SCFD2: variants seen among roughly 807,000 people sequenced by gnomAD.
The protein encoded by SCFD2 is sec1 family domain containing 2, also known as sec1 family domain-containing protein 2.
A neutral mutation model predicts 58.9 loss-of-function variants in SCFD2; 54 were observed. The observed-to-expected ratio is 0.92, with a 90% CI of 0.74 to 1.15. SCFD2 has a LOEUF of 1.15. Ranked by LOEUF, SCFD2 falls within the 50% of genes most tolerant of loss-of-function variation. The pLI is 0.00. For missense variants in SCFD2, 805 were observed against 836.6 expected, an observed-to-expected ratio of 0.96 and a Z score of 0.47; for synonymous variants, 321 against 335.9, an observed-to-expected ratio of 0.96 and a Z score of 0.49.
intron 4 of SCFD2, among the ~76,000 whole-genome samples, chr4:53,270,236 C>T (rs1731118943): frequency 6.6e-6 from 1 of 151,946 alleles, no homozygotes; most frequent in Non-Finnish European, 1.5e-5. Flanking sequence ...ACCCAATTCA[C>T]CACATTAACA....
intron 5 of SCFD2, among the ~76,000 whole-genome samples, chr4:53,127,945 T>G (rs1173834846): frequency 8.9e-5 from 13 of 145,418 alleles, no homozygotes; most frequent in South Asian, 2.2e-4. Flanking sequence ...AGTTTTTTGT[T>G]TTTTTTTTTT....
chr4:53,029,497 C>T (rs1316383469), intron 5 of SCFD2, among the ~76,000 whole-genome samples: 3 of 152,138 alleles, frequency 2.0e-5, no homozygotes, highest in Non-Finnish European at 4.4e-5. Context: ...TTAAACAATT[C>T]GAGTTTCTAT....
intron 5 of SCFD2, among the ~76,000 whole-genome samples, chr4:53,091,006 C>A (rs2148866202): frequency 6.6e-6 from 1 of 152,296 alleles, no homozygotes; most frequent in East Asian, 1.9e-4. Flanking sequence ...ACAGATTCAT[C>A]ACATGACTCT....
At chr4:53,183,404 A>C (rs1463305054) in intron 4 of SCFD2, among the ~76,000 whole-genome samples, 1 of 151,976 alleles carries the variant, frequency 6.6e-6, no homozygotes, top group African/African-American at 2.4e-5. Context: ...TCGCAAGGAC[A>C]AAAAAACCAA....
chr4:53,033,056 A>G (rs1219221351), intron 5 of SCFD2, among the ~76,000 whole-genome samples: 2 of 152,212 alleles, frequency 1.3e-5, no homozygotes, highest in Non-Finnish European at 2.9e-5. Context: ...AAAATTGACC[A>G]CATAATTGAA....
At chr4:53,155,634 T>C (rs1726656412) in intron 4 of SCFD2, among the ~76,000 whole-genome samples, 2 of 152,186 alleles carry the variant, frequency 1.3e-5, no homozygotes, top group Admixed American at 1.3e-4. Context: ...CCTGTACCAC[T>C]AGGGATCCAG....
At chr4:53,217,181 G>T (rs1480139919) in intron 4 of SCFD2, among the ~76,000 whole-genome samples, 1 of 152,154 alleles carries the variant, frequency 6.6e-6, no homozygotes, top group Non-Finnish European at 1.5e-5. Flanking sequence ...GCAGAGCTGA[G>T]TTCAATTCCT....
intron 5 of SCFD2, among the ~76,000 whole-genome samples, chr4:53,079,255 G>C (rs1394299184): frequency 6.6e-6 from 1 of 152,156 alleles, no homozygotes; most frequent in African/African-American, 2.4e-5. Context: ...GCAGAAGATG[G>C]ATGTCCCAGC....
At chr4:53,335,752 T>C (rs970763609) in intron 2 of SCFD2, among the ~76,000 whole-genome samples, 2 of 152,066 alleles carry the variant, frequency 1.3e-5, no homozygotes, top group Non-Finnish European at 2.9e-5. Context: ...TCAAAAAAAA[T>C]ACCAAGCAGC....
At position 52,973,566 on chromosome 4, in the gene SCFD2, T is replaced by G. The variant is rs1721168919; in HGVS notation, c.1562-52696A>C. Among the ~76,000 whole-genome samples the G allele has an allele frequency of 2.6e-5, 4 of 152,294 alleles. No individual in the cohort carries two copies. In the South Asian group the frequency reaches 8.3e-4, roughly 32 times the overall value. ...AAAAAAACTCCAGGACCAGAAGGATTCACAGTTGAATTCTACCAGAGGTAC... is the reference window on the plus strand; with the variant it reads ...AAAAAAACTCCAGGACCAGAAGGATGCACAGTTGAATTCTACCAGAGGTAC... On this transcript the variant is annotated intron_variant, in intron 5 of 8. Transcript: ENST00000401642.
At chr4:53,136,340 T>A (rs1461906794) in intron 5 of SCFD2, among the ~76,000 whole-genome samples, 1 of 152,204 alleles carries the variant, frequency 6.6e-6, no homozygotes, top group Non-Finnish European at 1.5e-5. Flanking sequence ...TTAACCTTGT[T>A]GTCCTCATGA....
intron 6 of SCFD2, among the ~76,000 whole-genome samples, chr4:52,915,186 C>T (rs1342341623): frequency 6.6e-6 from 1 of 152,120 alleles, no homozygotes; most frequent in Non-Finnish European, 1.5e-5. Context: ...TTTGGTGCAC[C>T]TTAAAAATGA....
intron 6 of SCFD2, 117 bp from the exon 7 acceptor site, chr4:52,907,708 ATGTGTGTGTGTG>A (rs10557430): frequency 6.4e-5 from 44 of 684,972 alleles, no homozygotes; most frequent in Middle Eastern, 3.8e-4. Flanking sequence ...CAATGCCTAT[ATGTGTGTGTGTG>A]TGTGTGTGTG....
At chr4:53,158,291 G>A (rs1284382678) in intron 4 of SCFD2, among the ~76,000 whole-genome samples, 1 of 152,072 alleles carries the variant, frequency 6.6e-6, no homozygotes, top group Non-Finnish European at 1.5e-5. Flanking sequence ...AATATAACAC[G>A]TAAATACATA....
intron 5 of SCFD2, among the ~76,000 whole-genome samples, chr4:53,102,899 T>C (rs1214237640): frequency 1.3e-5 from 2 of 152,124 alleles, no homozygotes; most frequent in Admixed American, 1.3e-4. Context: ...TTACAACTCA[T>C]TGAATTAAGA....
intron 4 of SCFD2, among the ~76,000 whole-genome samples, chr4:53,262,091 C>T (rs2149055197): frequency 6.6e-6 from 1 of 152,132 alleles, no homozygotes; most frequent in African/African-American, 2.4e-5. Context: ...TTTTGGTGTC[C>T]ATTTGCATGG....
chr4:52,880,616 C>CAAA (rs33961681), intron 8 of SCFD2, among the ~76,000 whole-genome samples: 1 of 119,128 alleles, frequency 8.4e-6, no homozygotes, highest in African/African-American at 3.1e-5. Flanking sequence ...GACCCTGTCT[C>CAAA]AAAAAAAAAA....
In SCFD2 at chr4:52,884,782, C is replaced by T. The variant is rs766050904; in HGVS notation, c.1962+965G>A. Among the ~76,000 whole-genome samples, 12 of 152,290 alleles carry T rather than the reference C, an allele frequency of 7.9e-5. No individual in the cohort carries two copies. The East Asian group carries it at 1.5e-3, about 20-fold the overall frequency. On this transcript the variant is annotated intron_variant, in intron 8 of 8. Coordinates refer to ENST00000401642, the MANE Select transcript of SCFD2 (RefSeq NM_152540.4). Reference sequence around the variant, plus strand: ...TCTTCCAGAAGCCTCTCTCCTTGGGCTCCTGCTGCATCATGCTGTGAGCCT... The same window carrying T: ...TCTTCCAGAAGCCTCTCTCCTTGGGTTCCTGCTGCATCATGCTGTGAGCCT...
At chr4:53,097,054 G>A (rs900115058) in intron 5 of SCFD2, among the ~76,000 whole-genome samples, 4 of 152,116 alleles carry the variant, frequency 2.6e-5, no homozygotes, top group Non-Finnish European at 4.4e-5. Flanking sequence ...TGAGGGATCT[G>A]TTCTGTTCCA....
Sources: gnomAD v4.1 joint callset for allele counts (sites outside exome capture counted in the v4.1 genomes callset) on GRCh38, gnomAD v4.1.1 for gene constraint, MANE v1.5 for transcripts, NCBI Gene and HGNC (gene_info 2026-07-23, HGNC 2026-07-21) for gene names.